ZNF540: variants seen among roughly 807,000 people sequenced by gnomAD.
The protein encoded by ZNF540 is zinc finger protein 540, also known as CTD-3064H18.6.
Under a neutral mutation model 11.8 loss-of-function variants are expected in ZNF540, and 3 were observed. The observed-to-expected ratio is 0.25, with a 90% confidence interval of 0.12 to 0.65. The LOEUF (loss-of-function observed/expected upper bound fraction) is 0.65, where lower values mean the gene tolerates loss of function less well. ZNF540 is among the 30% of genes least tolerant of loss of function. ZNF540 has a pLI of 0.83. For missense variants in ZNF540, 709 were observed against 793.1 expected, an observed-to-expected ratio of 0.89 and a Z score of 1.27; for synonymous variants, 247 against 259.0, an observed-to-expected ratio of 0.95 and a Z score of 0.45.
At chr19:37,600,100 A>G (rs1442039607) in intron 3 of ZNF540, among the ~76,000 whole-genome samples, 1 of 152,186 alleles carries the variant, frequency 6.6e-6, no homozygotes, top group African/African-American at 2.4e-5. Context: ...ATGCTCTGTT[A>G]TTTGGTAACA....
chr19:37,600,986 CTTTT>C lies in ZNF540; in HGVS notation c.137-23_137-20del. On this transcript the variant is annotated intron_variant, in intron 3 of 4. Transcript: ENST00000316433. ...GTGCAATGTTTTATTTCTATATATTCTTTTATTTCTTTCTTGTAAGCAGGATATT... is the reference window on the plus strand; with the variant it reads ...GTGCAATGTTTTATTTCTATATATTCATTTCTTTCTTGTAAGCAGGATATT... 1.3e-6 allele frequency: 2 copies of C among 1,534,090 alleles called. No individual in the cohort carries two copies. The highest frequency in any genetic ancestry group is 1.8e-6 in the Non-Finnish European group (2 of 1,132,280).
chr19:37,580,832 T>G (rs1175882930), intron 1 of ZNF540, among the ~76,000 whole-genome samples: 1 of 152,208 alleles, frequency 6.6e-6, no homozygotes, highest in Non-Finnish European at 1.5e-5. Flanking sequence ...CCATGCTTCT[T>G]GTACAACCTG....
chr19:37,593,074 C>T (rs549371495), upstream of ZNF540, among the ~76,000 whole-genome samples: 2 of 151,590 alleles, frequency 1.3e-5, no homozygotes, highest in African/African-American at 4.8e-5. Context: ...ATAACCACCA[C>T]GCTGTTACAC....
intron 1 of ZNF540, chr19:37,586,489 G>A: frequency 1.5e-6 from 1 of 661,548 alleles, no homozygotes; most frequent in South Asian, 1.9e-5. Flanking sequence ...ACTGTTTGGA[G>A]AGGGGAAAAG....
At position 37,601,033 on chromosome 19, in the gene ZNF540, G is replaced by A. The variant is rs1384371128; in HGVS notation, c.160G>A (p.Val54Met). 6.3e-7 allele frequency: 1 copy of A among 1,588,900 alleles called. No homozygotes were observed. The highest frequency in any genetic ancestry group is 1.1e-5 in the South Asian group (1 of 87,296). ...SLGYSGSKPD[V>M]ITLLEQGKEP... Reference sequence around the variant, plus strand: ...AGGATATTCTGGCTCAAAGCCAGATGTGATTACCTTACTGGAGCAAGGGAA... The same window carrying A: ...AGGATATTCTGGCTCAAAGCCAGATATGATTACCTTACTGGAGCAAGGGAA... The change falls in exon 4 of 5, where the codon GTG becomes ATG. Residue 54 changes from valine to methionine, a missense_variant. Physicochemically the swap from Val to Met is conservative, Grantham distance 21 (BLOSUM62 1). Coordinates refer to ENST00000316433, the MANE Select transcript of ZNF540 (RefSeq NM_001172225.3).
chr19:37,608,302 G>A (rs2044100253), intron 4 of ZNF540, among the ~76,000 whole-genome samples: 1 of 152,140 alleles, frequency 6.6e-6, no homozygotes, highest in Non-Finnish European at 1.5e-5. Flanking sequence ...ACTCTCAGCT[G>A]TGTCCATTTA....
At chr19:37,589,864 C>CA (rs60136941), upstream of ZNF540, among the ~76,000 whole-genome samples, 2,524 of 29,470 alleles carry the variant, frequency 0.086, 651 homozygotes, top group African/African-American at 0.17. Context: ...GACTCCATCT[C>CA]AAAAAAAAAA....
At chr19:37,571,494 TCAAAAAAACAAAAACAAA>T (rs1485803005) in intron 1 of ZNF540, among the ~76,000 whole-genome samples, 1 of 151,844 alleles carries the variant, frequency 6.6e-6, no homozygotes, top group Non-Finnish European at 1.5e-5. Context: ...AGACTCCATC[TCAAAAAAACAAAAACAAA>T]CAAAAAAACA....
At chr19:37,566,407 T>TA (rs2042862322) in intron 1 of ZNF540, 1 of 1,186,742 alleles carries the variant, frequency 8.4e-7, no homozygotes, top group Non-Finnish European at 1.2e-6. Context: ...GCTTAAACAG[T>TA]ACAGAAATAT....
At chr19:37,584,759 G>A (rs969921819) in intron 1 of ZNF540, among the ~76,000 whole-genome samples, 6 of 151,948 alleles carry the variant, frequency 3.9e-5, no homozygotes, top group Non-Finnish European at 7.4e-5. Context: ...TCAGGAGATC[G>A]AGACCATCCT....
chr19:37,561,957 G>A (rs960789935), intron 1 of ZNF540, among the ~76,000 whole-genome samples: 1 of 152,206 alleles, frequency 6.6e-6, no homozygotes, highest in Admixed American at 6.5e-5. Flanking sequence ...GAGTTCTAAT[G>A]ATTCTCAGTT....
chr19:37,584,631 C>A (rs2043596512), intron 1 of ZNF540, among the ~76,000 whole-genome samples: 1 of 152,108 alleles, frequency 6.6e-6, no homozygotes, highest in Non-Finnish European at 1.5e-5. Context: ...TTCCATTTTA[C>A]ATACAAAATG....
At chr19:37,600,348 C>G (rs537782476) in intron 3 of ZNF540, among the ~76,000 whole-genome samples, 1 of 152,104 alleles carries the variant, frequency 6.6e-6, no homozygotes, top group Non-Finnish European at 1.5e-5. Flanking sequence ...CAAACCTGCA[C>G]GTATGGCCCT....
At chr19:37,584,563 T>A (rs1325576496) in intron 1 of ZNF540, among the ~76,000 whole-genome samples, 2 of 152,202 alleles carry the variant, frequency 1.3e-5, no homozygotes, top group African/African-American at 4.8e-5. Flanking sequence ...AACCTAAGAA[T>A]TTTTTGAAGA....
intron 1 of ZNF540, chr19:37,555,636 A>C: frequency 2.1e-6 from 1 of 475,814 alleles, no homozygotes; most frequent in Non-Finnish European, 3.7e-6. Context: ...GGAACAGTTA[A>C]ATCAACTTTG....
chr19:37,608,921 G>A (rs1350605051), intron 4 of ZNF540, among the ~76,000 whole-genome samples: 6 of 152,202 alleles, frequency 3.9e-5, no homozygotes, highest in Admixed American at 3.3e-4. Flanking sequence ...GATTACAAGC[G>A]TGAGCCACTG....
At chr19:37,607,048 CTTCT>C (rs1292686790) in intron 4 of ZNF540, among the ~76,000 whole-genome samples, 20 of 151,944 alleles carry the variant, frequency 1.3e-4, no homozygotes, top group African/African-American at 4.1e-4. Flanking sequence ...TTATAATCAA[CTTCT>C]TTATCAGATA....
intron 4 of ZNF540, 158 bp from the exon 5 acceptor site, chr19:37,611,355 G>A: frequency 1.7e-6 from 1 of 576,056 alleles, no homozygotes; most frequent in Non-Finnish European, 2.9e-6. Flanking sequence ...AGCTCATGTT[G>A]CCTAATTTCA....
chr19:37,588,318 GATA>G (rs1352235829), intron 1 of ZNF540, among the ~76,000 whole-genome samples: 1 of 151,998 alleles, frequency 6.6e-6, no homozygotes, highest in East Asian at 1.9e-4. Context: ...AAAAATGCCT[GATA>G]ATAAAGAGAA....
Sources: allele counts gnomAD v4.1 joint callset (sites outside exome capture counted in the v4.1 genomes callset), GRCh38; gene constraint gnomAD v4.1.1; transcripts MANE v1.5; gene names NCBI Gene and HGNC (gene_info 2026-07-23, HGNC 2026-07-21).